The following PARN variants were observed in gnomAD, a reference collection of about 807,000 sequenced individuals.
PARN encodes the protein poly(A)-specific ribonuclease.
Under a neutral mutation model 102.8 loss-of-function variants are expected in PARN, and 71 were observed. The observed-to-expected ratio is 0.69, with a 90% CI of 0.57 to 0.84. The LOEUF (loss-of-function observed/expected upper bound fraction) is 0.84. Among genes scored for constraint, PARN ranks in the 40% least tolerant of loss-of-function variants. The probability of loss-of-function intolerance (pLI) is 0.00; values close to 1 mark genes in which losing one functional copy is unlikely to be tolerated. For missense variants in PARN, 782 were observed against 760.9 expected (o/e 1.03, Z -0.33); for synonymous variants, 261 against 252.9 (o/e 1.03, Z -0.30).
chr16:14,494,094 C>T (rs1041447140), intron 21 of PARN, among the ~76,000 whole-genome samples: 2 of 152,258 alleles, frequency 1.3e-5, no homozygotes, highest in African/African-American at 2.4e-5. Context: ...CCTGCCTACA[C>T]GGAGGGCCTC....
At chr16:14,447,938 TTATCTATCTATC>T (rs10539138) in intron 22 of PARN, among the ~76,000 whole-genome samples, 3,614 of 148,044 alleles carry the variant, frequency 0.024, 120 homozygotes, top group African/African-American at 0.068. Flanking sequence ...CTTTTAAATT[TTATCTATCTATC>T]TATCTATCTA....
At chr16:14,472,916 C>T (rs917981057) in intron 22 of PARN, among the ~76,000 whole-genome samples, 1 of 152,112 alleles carries the variant, frequency 6.6e-6, no homozygotes, top group African/African-American at 2.4e-5. Flanking sequence ...TTTATACAAC[C>T]ATAATATTAT....
intron 11 of PARN, among the ~76,000 whole-genome samples, chr16:14,603,646 C>T (rs893478481): frequency 6.6e-6 from 1 of 152,170 alleles, no homozygotes; most frequent in African/African-American, 2.4e-5. Context: ...CGCCAGGTCA[C>T]CAACATCTCC....
chr16:14,553,872 G>T (rs1257485200), intron 20 of PARN, among the ~76,000 whole-genome samples, 193 bp downstream of exon 20: 1 of 152,200 alleles, frequency 6.6e-6, no homozygotes, highest in Non-Finnish European at 1.5e-5. Context: ...ATTGTGAGGT[G>T]CTATTAAAAG....
intron 22 of PARN, among the ~76,000 whole-genome samples, chr16:14,462,753 A>T (rs1222106910): frequency 6.6e-6 from 1 of 152,254 alleles, no homozygotes; most frequent in African/African-American, 2.4e-5. Flanking sequence ...ATGCAAAGAC[A>T]CAAAAGACAC....
Position 14,467,770 on chromosome 16 carries a change from T to C in PARN, c.1670+14868A>G, listed in dbSNP as rs547939970. On this transcript the variant is annotated intron_variant, in intron 22 of 23. Transcript: ENST00000437198. Reference sequence around the variant, plus strand: ...GATTATGGTGCAATTATCAAAAGAATGTCATTCCTCTCTGCCTTACTGTAA... The same window carrying C: ...GATTATGGTGCAATTATCAAAAGAACGTCATTCCTCTCTGCCTTACTGTAA... Among the ~76,000 whole-genome samples the C allele has an allele frequency of 5.9e-5, 9 of 152,314 alleles. No homozygotes were observed. In the South Asian group the frequency reaches 1.9e-3, roughly 32 times the overall value.
At chr16:14,544,030 T>C (rs1966858154) in intron 21 of PARN, among the ~76,000 whole-genome samples, 1 of 152,042 alleles carries the variant, frequency 6.6e-6, no homozygotes, top group Non-Finnish European at 1.5e-5. Flanking sequence ...CCGTCTCTAC[T>C]AAAAATACAA....
chr16:14,522,186 A>T (rs1410759029), intron 21 of PARN, among the ~76,000 whole-genome samples: 1 of 152,224 alleles, frequency 6.6e-6, no homozygotes, highest in Non-Finnish European at 1.5e-5. Flanking sequence ...AAACAAGAAA[A>T]GCTCAAACAC....
chr16:14,552,162 G>A (rs987278814), intron 20 of PARN, 67 bp from the exon 21 acceptor site: 23 of 926,072 alleles, frequency 2.5e-5, no homozygotes, highest in Middle Eastern at 2.1e-4. Context: ...TTTAATGCGC[G>A]TATCTTACAT....
rs957081851 is a variant in PARN at position 14,588,202 on chromosome 16, G to C, written c.919-1841C>G. Among the ~76,000 whole-genome samples the C allele has an allele frequency of 4.6e-5, 7 of 152,302 alleles. No individual in the cohort carries two copies. In the South Asian group the frequency reaches 1.4e-3, roughly 32 times the overall value. On this transcript the variant is annotated intron_variant, in intron 13 of 23. Transcript: ENST00000437198. ...GAACAACAAACATTGAGAACAACAA[G>C]AGAAAATTCAAGTTGGAAGAAATTA...
At chr16:14,614,318 C>A (rs1195342096) in intron 6 of PARN, among the ~76,000 whole-genome samples, 1 of 151,628 alleles carries the variant, frequency 6.6e-6, no homozygotes, top group Non-Finnish European at 1.5e-5. Context: ...AGACCCATGA[C>A]GCTGCCATTG....
intron 21 of PARN, among the ~76,000 whole-genome samples, chr16:14,550,720 G>T (rs926021310): frequency 6.6e-6 from 1 of 151,934 alleles, no homozygotes; most frequent in Admixed American, 6.6e-5. Context: ...TTTACTGTGC[G>T]GCATTTTGTT....
chr16:14,436,741 G>C lies in PARN; in HGVS notation c.1896C>G (p.Leu632=), dbSNP rs1960718595. ...GTTACCATGTGTCAGGAACTTCAAA[G>C]AGTGTGGCAGGGCTGTTCTTCGAGA... ...GSISKNSPAT[L]FEVPDTW is the part of the protein sequence containing the mutation. Residue 632 remains leucine, a synonymous_variant, in exon 24 of 24, where the codon CTC becomes CTG. Transcript: ENST00000437198. The C allele has an allele frequency of 1.9e-6, 3 of 1,600,984 alleles. No individual in the cohort carries two copies. In the South Asian group the frequency reaches 3.4e-5, roughly 18 times the overall value.
At chr16:14,447,273 T>C (rs1961245578) in intron 22 of PARN, among the ~76,000 whole-genome samples, 192 bp from the exon 23 acceptor site, 1 of 152,192 alleles carries the variant, frequency 6.6e-6, no homozygotes, top group Non-Finnish European at 1.5e-5. Flanking sequence ...TATAACAAGC[T>C]TATTCAGAAA....
At chr16:14,464,438 A>G (rs1962201156) in intron 22 of PARN, among the ~76,000 whole-genome samples, 1 of 152,224 alleles carries the variant, frequency 6.6e-6, no homozygotes. Flanking sequence ...TTAGAATTCT[A>G]TACCCAGCAA....
At chr16:14,541,668 G>C (rs1810201108) in intron 21 of PARN, among the ~76,000 whole-genome samples, 1 of 151,984 alleles carries the variant, frequency 6.6e-6, no homozygotes, top group African/African-American at 2.4e-5. Context: ...GTAGAGACGG[G>C]ATTCTACCAT....
At chr16:14,466,815 C>T (rs1454091321) in intron 22 of PARN, among the ~76,000 whole-genome samples, 1 of 150,820 alleles carries the variant, frequency 6.6e-6, no homozygotes, top group African/African-American at 2.4e-5. Flanking sequence ...CTGTATGTTT[C>T]TGAAGATGTT....
At chr16:14,530,759 C>T (rs758164697) in intron 21 of PARN, among the ~76,000 whole-genome samples, 3 of 152,070 alleles carry the variant, frequency 2.0e-5, no homozygotes, top group Non-Finnish European at 4.4e-5. Context: ...AGAATTGGCC[C>T]CTTCCCAAGG....
At chr16:14,517,366 G>A (rs1965509710) in intron 21 of PARN, among the ~76,000 whole-genome samples, 1 of 152,218 alleles carries the variant, frequency 6.6e-6, no homozygotes, top group Admixed American at 6.5e-5. Flanking sequence ...TACAGGATGA[G>A]GGGCCACATG....
Sources: allele counts gnomAD v4.1 joint callset (sites outside exome capture counted in the v4.1 genomes callset), GRCh38; gene constraint gnomAD v4.1.1; transcripts MANE v1.5; gene names NCBI Gene and HGNC (gene_info 2026-07-23, HGNC 2026-07-21).